Variants in RANBP2 observed in about 807,000 individuals in gnomAD.
The protein encoded by RANBP2 is RAN binding protein 2, also known as E3 SUMO-protein ligase RanBP2.
A neutral mutation model predicts 303.6 loss-of-function variants in RANBP2; 57 were observed. That is an observed-to-expected ratio of 0.19 (90% confidence interval 0.15 to 0.23). The LOEUF is 0.23. Among genes scored for constraint, RANBP2 ranks in the 10% least tolerant of loss-of-function variants. RANBP2 has a pLI of 1.00. For missense variants in RANBP2, 3,138 were observed against 3,780.8 expected (o/e 0.83, Z 4.46); for synonymous variants, 1,167 against 1,301.5 (o/e 0.90, Z 2.23).
chr2:108,799,439 G>C, the RANBP2 span, among the ~76,000 whole-genome samples: 3 of 152,190 alleles, frequency 2.0e-5, no homozygotes, highest in South Asian at 4.2e-4. Context: ...GTTCCCTTAC[G>C]CTCTCTTGTA....
chr2:109,660,232 T>A, the RANBP2 span, among the ~76,000 whole-genome samples: 1 of 152,134 alleles, frequency 6.6e-6, no homozygotes, highest in Admixed American at 6.5e-5. Flanking sequence ...ACTTTGTACT[T>A]CACTTCAGCC....
chr2:109,248,877 T>G, the RANBP2 span, among the ~76,000 whole-genome samples: 5 of 76,734 alleles, frequency 6.5e-5, no homozygotes, highest in African/African-American at 2.4e-4. Flanking sequence ...TTCCTTTCCT[T>G]TCCTGTCCTT....
the RANBP2 span, among the ~76,000 whole-genome samples, chr2:109,258,117 A>G: frequency 1.3e-5 from 2 of 152,296 alleles, no homozygotes; most frequent in East Asian, 3.9e-4. Context: ...CGGCCCAGAC[A>G]TTGGAAACAC....
At chr2:109,574,765 T>C in the RANBP2 span, 1 of 1,567,862 alleles carries the variant, frequency 6.4e-7, no homozygotes, top group East Asian at 2.3e-5. Flanking sequence ...TATTGGTTGG[T>C]AGCTGAAAAA....
At chr2:109,462,976 G>C in the RANBP2 span, among the ~76,000 whole-genome samples, 4 of 152,230 alleles carry the variant, frequency 2.6e-5, no homozygotes, top group Non-Finnish European at 5.9e-5. Context: ...CAGTCACCCT[G>C]TTAAGGTAGA....
the RANBP2 span, chr2:109,616,046 A>G: frequency 1.3e-6 from 2 of 1,513,426 alleles, no homozygotes; most frequent in African/African-American, 1.4e-5. Flanking sequence ...CATTGAGACC[A>G]AAGTCCAATG....
At chr2:109,258,784 C>T in the RANBP2 span, among the ~76,000 whole-genome samples, 1 of 152,212 alleles carries the variant, frequency 6.6e-6, no homozygotes, top group Non-Finnish European at 1.5e-5. Flanking sequence ...GTTGTCCTTC[C>T]TAATAGGGGT....
rs144270067 is a variant in RANBP2 at position 108,763,673 on chromosome 2, C to T, written c.3134C>T (p.Thr1045Met). 37 of 1,613,990 alleles carry T rather than the reference C, an allele frequency of 2.3e-5. No individual in the cohort carries two copies. Among genetic ancestry groups the T allele is most frequent in the Non-Finnish European group, 3.1e-5 (36 of 1,180,004 alleles). Reference protein sequence around the residue: ...SNFKSNDGDFTFSSPQVVTQP... With the variant: ...SNFKSNDGDFMFSSPQVVTQP... ...TTCAAATCAAATGATGGTGACTTCACGTTTTCCTCACCACAGGTTGTGACA... is the reference window on the plus strand; with the variant it reads ...TTCAAATCAAATGATGGTGACTTCATGTTTTCCTCACCACAGGTTGTGACA... Residue 1045 changes from threonine to methionine, a missense_variant, in exon 20 of 29, where the codon ACG (threonine) becomes ATG (methionine). Physicochemically the swap from Thr to Met is moderately conservative, Grantham distance 81 (BLOSUM62 -1). This residue lies in a region of RANBP2 where 403 missense variants were observed against 376.7 expected (regional missense o/e 1.07). Transcript: ENST00000283195.
the RANBP2 span, among the ~76,000 whole-genome samples, chr2:108,983,074 A>T: frequency 6.6e-6 from 1 of 152,208 alleles, no homozygotes; most frequent in Admixed American, 6.5e-5. Flanking sequence ...CCGATGCACA[A>T]TTAGTTTGTG....
the RANBP2 span, among the ~76,000 whole-genome samples, chr2:108,955,822 T>C: frequency 6.6e-6 from 1 of 152,156 alleles, no homozygotes; most frequent in Non-Finnish European, 1.5e-5. Flanking sequence ...GTCAGGAGAT[T>C]GAGACCATCC....
chr2:109,291,213 ATAT>A, the RANBP2 span, among the ~76,000 whole-genome samples: 1 of 152,036 alleles, frequency 6.6e-6, no homozygotes, highest in Non-Finnish European at 1.5e-5. Flanking sequence ...TGCTGTCAGG[ATAT>A]TATGGAGAAA....
chr2:109,286,487 G>T, the RANBP2 span, among the ~76,000 whole-genome samples: 1 of 152,172 alleles, frequency 6.6e-6, no homozygotes, highest in African/African-American at 2.4e-5. Flanking sequence ...TCCCGCACAA[G>T]GCCATCTATG....
chr2:109,423,378 C>T, the RANBP2 span, among the ~76,000 whole-genome samples: 1 of 152,246 alleles, frequency 6.6e-6, no homozygotes, highest in African/African-American at 2.4e-5. Context: ...GGAGTGACCC[C>T]CTCATGACCC....
the RANBP2 span, among the ~76,000 whole-genome samples, chr2:109,531,331 T>A: frequency 6.6e-6 from 1 of 152,344 alleles, no homozygotes; most frequent in East Asian, 1.9e-4. Flanking sequence ...GGACGTGGTA[T>A]GTGCAACTGC....
At chr2:109,085,448 C>T in the RANBP2 span, among the ~76,000 whole-genome samples, 26 of 152,094 alleles carry the variant, frequency 1.7e-4, no homozygotes, top group East Asian at 3.9e-4. Context: ...GGCCTACACG[C>T]GCCCGCCACC....
the RANBP2 span, among the ~76,000 whole-genome samples, chr2:109,537,846 G>A: frequency 6.6e-6 from 1 of 152,046 alleles, no homozygotes; most frequent in African/African-American, 2.4e-5. Flanking sequence ...TACTTGGGAG[G>A]CTGAGGTGAG....
At chr2:109,191,836 A>G in the RANBP2 span, among the ~76,000 whole-genome samples, 38 of 152,308 alleles carry the variant, frequency 2.5e-4, no homozygotes, top group African/African-American at 7.5e-4. Flanking sequence ...TTGTGGTTAT[A>G]AAAACAATAA....
At chr2:109,687,741 ATTTTTTTT>A in the RANBP2 span, among the ~76,000 whole-genome samples, 10 of 133,468 alleles carry the variant, frequency 7.5e-5, no homozygotes, top group South Asian at 2.0e-3. Flanking sequence ...AGGTCAGGGG[ATTTTTTTT>A]TTTTTTTTTT....
At chr2:109,417,031 G>A in the RANBP2 span, among the ~76,000 whole-genome samples, 5 of 152,132 alleles carry the variant, frequency 3.3e-5, no homozygotes, top group Admixed American at 2.6e-4. Flanking sequence ...CCAGGTCATC[G>A]AGTGTCAGTG....
Sources: allele counts gnomAD v4.1 joint callset (sites outside exome capture counted in the v4.1 genomes callset), GRCh38; gene constraint gnomAD v4.1.1; regional missense constraint gnomAD v4.1.1; transcripts MANE v1.5; gene names NCBI Gene and HGNC (gene_info 2026-07-23, HGNC 2026-07-21).